Variants in KCTD19 observed in about 807,000 individuals in gnomAD.
KCTD19 encodes BTB/POZ domain-containing protein KCTD19.
Under a neutral mutation model 103.5 loss-of-function variants are expected in KCTD19, and 67 were observed. The observed-to-expected ratio is 0.65, with a 90% CI of 0.53 to 0.79. KCTD19 has a LOEUF of 0.79. KCTD19 is among the 30% of genes least tolerant of loss of function. The pLI is 0.00. For missense variants in KCTD19, 980 were observed against 1,136.1 expected (o/e 0.86, Z 1.98); for synonymous variants, 439 against 452.2 (o/e 0.97, Z 0.37).
chr16:67,306,712 T>A (rs1420003670), intron 2 of KCTD19, among the ~76,000 whole-genome samples: 2 of 152,172 alleles, frequency 1.3e-5, no homozygotes, highest in African/African-American at 4.8e-5. Context: ...ATGGGATAAA[T>A]CCAGACTCTC....
intron 5 of KCTD19, 99 bp downstream of exon 5, chr16:67,301,692 C>G: frequency 8.5e-7 from 1 of 1,172,746 alleles, no homozygotes; most frequent in Non-Finnish European, 1.2e-6. Flanking sequence ...CTCACTAACC[C>G]CCAAAGCCCG....
rs2036851736 is a variant in KCTD19 at position 67,303,056 on chromosome 16, C to T, written c.643+90G>A. The T allele has an allele frequency of 1.6e-5, 22 of 1,373,298 alleles. No individual in the cohort carries two copies. The highest frequency in any genetic ancestry group is 2.1e-5 in the Non-Finnish European group (21 of 986,526). The allele number at this position is 1,373,298 out of a possible 1,614,324, so 85.1% of individuals were successfully genotyped here. On this transcript the variant is annotated intron_variant, in intron 4 of 15. Transcript: ENST00000304372. This position sits in a 1 kb window ranked among gnomAD's most constrained non-coding sequence, Gnocchi z 4.3. ...AGGGAAGCTCCTGAGGCCCTGAGCA[C>T]CAAGCTGGGCCTCTGTGGGACATGT...
chr16:67,322,436 C>T (rs1208593132), intron 1 of KCTD19, among the ~76,000 whole-genome samples: 1 of 151,910 alleles, frequency 6.6e-6, no homozygotes, highest in Non-Finnish European at 1.5e-5. Flanking sequence ...GTAGCTGGGA[C>T]TACAGGCACC....
intron 2 of KCTD19, among the ~76,000 whole-genome samples, chr16:67,306,445 T>C (rs1264686571): frequency 1.3e-5 from 2 of 152,166 alleles, no homozygotes; most frequent in African/African-American, 4.8e-5. Context: ...TTTGGATTTC[T>C]AGTAGAGATG....
Position 67,296,247 on chromosome 16 carries a change from G to C in KCTD19, c.1160C>G (p.Ala387Gly). 2.5e-6 allele frequency: 4 copies of C among 1,610,678 alleles called. No individual in the cohort carries two copies. Among genetic ancestry groups the C allele is most frequent in the Non-Finnish European group, 2.5e-6 (3 of 1,176,828 alleles). The stretch of plus-strand genomic sequence containing the variant: ...TTGTGGGGAATACACAGTGATCTCT[G>C]CCGTCCACTCATCTATGGGAATCCA... ...APMDVLNEWT[A>G]EITVYSPQQI... The change falls in exon 8 of 16, where the codon GCA (alanine) becomes GGA (glycine). Residue 387 changes from alanine (A) to glycine (G), a missense_variant. Ala to Gly is a moderately conservative substitution (Grantham distance 60). Transcript: ENST00000304372.
intron 2 of KCTD19, among the ~76,000 whole-genome samples, chr16:67,310,174 C>T (rs900990788): frequency 6.6e-6 from 1 of 152,146 alleles, no homozygotes; most frequent in Non-Finnish European, 1.5e-5. Context: ...GAAACCATTC[C>T]CCAGCCCCTC....
At position 67,293,008 on chromosome 16, in the gene KCTD19, C is replaced by G. The variant is rs1351677437; in HGVS notation, c.2218+536G>C. ...ACTCCAAGTGGCTTCGAATACCTAG[C>G]TCCTGCTGCATTTCCTCTGCTCCTG... On this transcript the variant is annotated intron_variant, in intron 12 of 15. Transcript: ENST00000304372. This position sits in a 1 kb window ranked among gnomAD's most constrained non-coding sequence, Gnocchi z 4.0. Among the ~76,000 whole-genome samples, 1 of 152,164 alleles carries G rather than the reference C, an allele frequency of 6.6e-6. No individual in the cohort carries two copies. The highest frequency in any genetic ancestry group is 2.4e-5 in the African/African-American group (1 of 41,424).
Position 67,296,230 on chromosome 16 carries a change from A to T in KCTD19, c.1177T>A (p.Ser393Thr), listed in dbSNP as rs775026176. The stretch of plus-strand genomic sequence containing the variant: ...TACACTTTGATGATCTGTTGTGGGG[A>T]ATACACAGTGATCTCTGCCGTCCAC... ...NEWTAEITVYSPQQIIKVYVG... is the reference protein window; with the variant it reads ...NEWTAEITVYTPQQIIKVYVG... The change falls in exon 8 of 16, where the codon TCC (serine) becomes ACC (threonine). Residue 393 changes from serine to threonine, a missense_variant. Coordinates refer to ENST00000304372, the MANE Select transcript of KCTD19 (RefSeq NM_001100915.3). 3.1e-6 allele frequency: 5 copies of T among 1,613,332 alleles called. No homozygotes were observed. The South Asian group carries it at 5.5e-5, about 18-fold the overall frequency.
chr16:67,304,541 G>A lies in KCTD19; in HGVS notation c.331C>T (p.His111Tyr). The A allele has an allele frequency of 1.2e-6, 2 of 1,613,952 alleles. No homozygotes were observed. Among genetic ancestry groups the A allele is most frequent in the Non-Finnish European group, 1.7e-6 (2 of 1,179,880 alleles). Residue 111 changes from histidine to tyrosine, a missense_variant, in exon 3 of 16, where the codon CAT becomes TAT. Transcript: ENST00000304372. The part of the protein sequence containing the change: ...TLDNLKEGKH[H>Y]LRVRPADLPV... ...AGGTCTGCAGGCCGTACGCGTAGAT[G>A]GTGTTTCCCTTCCTTCAGGTTATCT... is the stretch of plus-strand genomic sequence containing the variant.
Position 67,289,555 on chromosome 16 carries a change from C to T in KCTD19, c.*14G>A, listed in dbSNP as rs752161156. 2.6e-6 allele frequency: 4 copies of T among 1,537,134 alleles called. No homozygotes were observed. The South Asian group carries it at 4.5e-5, about 17-fold the overall frequency. On this transcript the variant is annotated 3_prime_UTR_variant, in exon 16 of 16. Transcript: ENST00000304372. ...TTGGCGGGTGGGGCATGAGGGGCTG[C>T]ATCTCTGGGCACCCTAGTCCTCTTG...
chr16:67,312,822 A>C (rs927640724), intron 2 of KCTD19, among the ~76,000 whole-genome samples: 2 of 152,078 alleles, frequency 1.3e-5, no homozygotes, highest in Non-Finnish European at 2.9e-5. Context: ...TACTATTACC[A>C]CCATAGAACA....
chr16:67,304,558 A>G lies in KCTD19; in HGVS notation c.314T>C (p.Leu105Pro). ...GCGTAGATGGTGTTTCCCTTCCTTC[A>G]GGTTATCTAGAGTCTGTTAGATAAT... ...LMPLLQTLDNLKEGKHHLRVR... is the reference protein window; with the variant it reads ...LMPLLQTLDNPKEGKHHLRVR... The change falls in exon 3 of 16, where the codon CTG (leucine) becomes CCG (proline). Residue 105 changes from leucine to proline, a missense_variant. By Grantham distance (98) the Leu-to-Pro change is moderately conservative. Transcript: ENST00000304372. The G allele has an allele frequency of 6.2e-7, 1 of 1,613,938 alleles. No individual in the cohort carries two copies. The highest frequency in any genetic ancestry group is 8.5e-7 in the Non-Finnish European group (1 of 1,179,830).
chr16:67,296,384 C>G, intron 7 of KCTD19, 125 bp from the exon 8 acceptor site: 1 of 675,632 alleles, frequency 1.5e-6, no homozygotes, highest in Non-Finnish European at 2.7e-6. Context: ...ATTGTGTTGC[C>G]TAGTCTGAGA....
At chr16:67,306,639 C>T (rs1193791814) in intron 2 of KCTD19, among the ~76,000 whole-genome samples, 1 of 152,192 alleles carries the variant, frequency 6.6e-6, no homozygotes, top group Non-Finnish European at 1.5e-5. Context: ...AGTGATCTTG[C>T]AAACATATGA....
intron 2 of KCTD19, among the ~76,000 whole-genome samples, chr16:67,312,752 T>C (rs2142517377): frequency 6.6e-6 from 1 of 152,302 alleles, no homozygotes; most frequent in Non-Finnish European, 1.5e-5. Flanking sequence ...ATTCAATTCA[T>C]CAGCAAACCC....
At chr16:67,290,789 G>T in intron 15 of KCTD19, 96 bp downstream of exon 15, 1 of 1,117,458 alleles carries the variant, frequency 8.9e-7, no homozygotes, top group Non-Finnish European at 1.3e-6. Flanking sequence ...CTAGCCTTCT[G>T]GGCAGTGCTG....
intron 2 of KCTD19, among the ~76,000 whole-genome samples, chr16:67,313,196 G>C (rs57686312): frequency 1.3e-5 from 2 of 151,264 alleles, no homozygotes. Context: ...TGCAACCACC[G>C]TCTCCTAGGT....
chr16:67,295,967 ACTC>A, intron 8 of KCTD19, 189 bp downstream of exon 8: 1 of 552,916 alleles, frequency 1.8e-6, no homozygotes, highest in Non-Finnish European at 3.3e-6. Flanking sequence ...CTGGTCTTGA[ACTC>A]CTGATCTCGT....
At chr16:67,294,470 G>A (rs2036740703) in intron 11 of KCTD19, 110 bp downstream of exon 11, 2 of 775,654 alleles carry the variant, frequency 2.6e-6, no homozygotes, top group Non-Finnish European at 4.4e-6. Context: ...TGTAGGCTCT[G>A]CTCTTTCATT....
Sources: allele counts gnomAD v4.1 joint callset (sites outside exome capture counted in the v4.1 genomes callset), GRCh38; gene constraint gnomAD v4.1.1; non-coding constraint Gnocchi (gnomAD v3.1); transcripts MANE v1.5; gene names NCBI Gene and HGNC (gene_info 2026-07-23, HGNC 2026-07-21).